The following EXOSC8 variants were observed in gnomAD, a reference collection of about 807,000 sequenced individuals.
EXOSC8 encodes the protein exosome complex component RRP43.
A neutral mutation model predicts 39.9 loss-of-function variants in EXOSC8; 37 were observed. That is an observed-to-expected ratio of 0.93 (90% CI 0.71 to 1.22). EXOSC8 has a LOEUF of 1.22. Ranked by LOEUF, EXOSC8 falls within the 50% of genes most tolerant of loss-of-function variation. The pLI is 0.00. For missense variants in EXOSC8, 313 were observed against 326.6 expected (o/e 0.96, Z 0.32); for synonymous variants, 93 against 109.5 (o/e 0.85, Z 0.94).
At position 37,002,924 on chromosome 13, in the gene EXOSC8, A is replaced by G; in HGVS notation, c.119-10A>G. Reference sequence around the variant, plus strand: ...CTTTTATGAACCTTTCATTTTGCTTATCTTTTCAGGTTCAATTAGTACCGC... The same window carrying G: ...CTTTTATGAACCTTTCATTTTGCTTGTCTTTTCAGGTTCAATTAGTACCGC... On this transcript the variant is annotated splice_polypyrimidine_tract_variant and intron_variant, in intron 3 of 10. Coordinates refer to ENST00000389704, the MANE Select transcript of EXOSC8 (RefSeq NM_181503.3). 6.3e-7 allele frequency: 1 copy of G among 1,594,316 alleles called. No individual in the cohort carries two copies.
At position 37,008,157 on chromosome 13, in the gene EXOSC8, T is replaced by C; in HGVS notation, c.588T>C (p.Thr196=). The C allele has an allele frequency of 6.4e-7, 1 of 1,557,940 alleles. No homozygotes were observed. Among genetic ancestry groups the C allele is most frequent in the Non-Finnish European group, 8.8e-7 (1 of 1,138,124 alleles). ...YLNIRTHPVA[T]SFAVFDDTLL... is the part of the protein sequence containing the mutation. The stretch of plus-strand genomic sequence containing the variant: ...ATATTAGAACTCATCCAGTTGCAAC[T>C]TCCTTTGCTGTGTTTGATGAGTAAG... Residue 196 remains threonine, a synonymous_variant, in exon 9 of 11, where the codon ACT becomes ACC. Coordinates refer to ENST00000389704, the MANE Select transcript of EXOSC8 (RefSeq NM_181503.3).
chr13:37,006,966 C>A lies in EXOSC8; in HGVS notation c.391-9C>A, dbSNP rs759767478. On this transcript the variant is annotated splice_polypyrimidine_tract_variant and intron_variant, in intron 7 of 10. Transcript: ENST00000389704. ...CTTTAATTTCCTTTTGTGTTTAATT[C>A]TATTTTAGCTTGTCTGGGTTCTATA... 1.3e-6 allele frequency: 2 copies of A among 1,570,564 alleles called. No individual in the cohort carries two copies. The highest frequency in any genetic ancestry group is 1.1e-5 in the South Asian group (1 of 90,126).
At chr13:37,002,116 A>G (rs1403838821) in intron 1 of EXOSC8, among the ~76,000 whole-genome samples, 157 bp from the exon 2 acceptor site, 1 of 152,184 alleles carries the variant, frequency 6.6e-6, no homozygotes, top group Non-Finnish European at 1.5e-5. Flanking sequence ...ATTGAATGTG[A>G]TTGCTACTAC....
intron 4 of EXOSC8, 32 bp downstream of exon 4, chr13:37,003,039 G>GT (rs1220919445): frequency 7.8e-7 from 1 of 1,274,858 alleles, no homozygotes. Flanking sequence ...TGAGATTTGA[G>GT]TTACAAAGTT....
intron 4 of EXOSC8, chr13:37,003,746 C>T (rs2059120870): frequency 6.6e-6 from 1 of 152,160 alleles, no homozygotes; most frequent in African/African-American, 2.4e-5. Context: ...TAGGAGTAGA[C>T]ACTATTTTCT....
chr13:37,008,872 A>G (rs141376795), intron 10 of EXOSC8, 37 bp downstream of exon 10: 23 of 1,333,472 alleles, frequency 1.7e-5, no homozygotes, highest in Non-Finnish European at 2.5e-5. Flanking sequence ...ACATATGTAG[A>G]TGAAAACTCA....
At chr13:37,004,456 A>C in intron 4 of EXOSC8, 60 bp from the exon 5 acceptor site, 2 of 1,208,446 alleles carry the variant, frequency 1.7e-6, no homozygotes, top group African/African-American at 3.0e-5. Context: ...TGATTGCTAA[A>C]TTGTCTTCAT....
At chr13:37,002,157 G>T in intron 1 of EXOSC8, 116 bp from the exon 2 acceptor site, 1 of 707,346 alleles carries the variant, frequency 1.4e-6, no homozygotes, top group East Asian at 2.6e-5. Context: ...ATTACTTTTA[G>T]TTAAAAAGTT....
Position 37,009,394 on chromosome 13 carries a change from T to C in EXOSC8, c.*95T>C, listed in dbSNP as rs1396218258. 4 of 762,858 alleles carry C rather than the reference T, an allele frequency of 5.2e-6. No individual in the cohort carries two copies. The highest frequency in any genetic ancestry group is 2.7e-5 in the Admixed American group (1 of 36,524). The allele number at this position is 762,858 out of a possible 1,614,324, so 47.3% of individuals were successfully genotyped here. On this transcript the variant is annotated 3_prime_UTR_variant, in exon 11 of 11. Coordinates refer to ENST00000389704, the MANE Select transcript of EXOSC8 (RefSeq NM_181503.3). ...ACTAAATAAATATCAAACTACATTCTTCTGAAAGATGTTTCTATTATTTCT... is the reference window on the plus strand; with the variant it reads ...ACTAAATAAATATCAAACTACATTCCTCTGAAAGATGTTTCTATTATTTCT...
At chr13:37,006,206 A>T (rs931649188) in intron 7 of EXOSC8, 46 bp downstream of exon 7, 1 of 1,235,942 alleles carries the variant, frequency 8.1e-7, no homozygotes. Context: ...TTCTGAAGGG[A>T]TTTTTTTTTT....
rs780048486 is a variant in EXOSC8 at position 37,008,830 on chromosome 13, A to G, written c.710A>G (p.Lys237Arg). Residue 237 changes from lysine to arginine, a missense_variant, in exon 10 of 11, where the codon AAA becomes AGA. By Grantham distance (26) the Lys-to-Arg change is conservative. Coordinates refer to ENST00000389704, the MANE Select transcript of EXOSC8 (RefSeq NM_181503.3). ...DEEGKLCCLH[K>R]PGGSGLTGAK... ...GAAGGCAAACTCTGTTGTCTTCACA[A>G]ACCAGGCATGTTCCCGCCACTTCAG... 3.8e-6 allele frequency: 6 copies of G among 1,590,774 alleles called. No homozygotes were observed. Among genetic ancestry groups the G allele is most frequent in the Admixed American group, 1.7e-5 (1 of 59,316 alleles).
At chr13:37,003,028 T>C (rs777145342) in intron 4 of EXOSC8, 21 bp downstream of exon 4, 12 of 1,371,090 alleles carry the variant, frequency 8.8e-6, no homozygotes, top group Admixed American at 5.1e-5. Context: ...ATATGTCCTA[T>C]TGAGATTTGA....
chr13:37,009,524 A>C lies in EXOSC8; in HGVS notation c.*225A>C, dbSNP rs1360955040. ...TAAACCATTTCCCTGTTTTTATTTA[A>C]AAATGATAAGGTTGTGCTTCTGTAT... On this transcript the variant is annotated 3_prime_UTR_variant, in exon 11 of 11. Transcript: ENST00000389704. 2 of 1,044,238 alleles carry C rather than the reference A, an allele frequency of 1.9e-6. No individual in the cohort carries two copies. Among genetic ancestry groups the C allele is most frequent in the Non-Finnish European group, 2.8e-6 (2 of 701,830 alleles). 64.7% of individuals were successfully genotyped at this position (1,044,238 alleles called of 1,614,324 possible).
intron 9 of EXOSC8, 146 bp from the exon 10 acceptor site, chr13:37,008,581 CCT>C: frequency 5.1e-6 from 3 of 589,096 alleles, no homozygotes; most frequent in Non-Finnish European, 6.0e-6. Context: ...ATGTTGAAAC[CCT>C]GTCTCTACTA....
chr13:37,005,383 T>C (rs1163410738), intron 5 of EXOSC8, among the ~76,000 whole-genome samples: 1 of 152,124 alleles, frequency 6.6e-6, no homozygotes, highest in Non-Finnish European at 1.5e-5. Context: ...AGGTCTAAAA[T>C]AGATTTTTTA....
In EXOSC8 at chr13:37,004,577, T is replaced by C. The variant is rs565214972; in HGVS notation, c.238+16T>C. Reference sequence around the variant, plus strand: ...GGATACGTTGGTAAGTTAAATGGTTTTGTAATTTTAATACAAATACTTTTA... The same window carrying C: ...GGATACGTTGGTAAGTTAAATGGTTCTGTAATTTTAATACAAATACTTTTA... On this transcript the variant is annotated intron_variant, in intron 5 of 10. Transcript: ENST00000389704. The C allele has an allele frequency of 1.3e-5, 21 of 1,557,598 alleles. No individual in the cohort carries two copies. The South Asian group carries it at 2.4e-4, about 18-fold the overall frequency.
intron 9 of EXOSC8, among the ~76,000 whole-genome samples, 156 bp downstream of exon 9, chr13:37,008,333 G>T (rs77746430): frequency 0.018 from 2,730 of 151,570 alleles, 36 homozygotes; most frequent in Non-Finnish European, 0.028. Context: ...ATTATTTCTA[G>T]TCACTGCACA....
At chr13:37,004,360 T>C in intron 4 of EXOSC8, 156 bp from the exon 5 acceptor site, 1 of 598,144 alleles carries the variant, frequency 1.7e-6, no homozygotes, top group Non-Finnish European at 3.0e-6. Flanking sequence ...TCTTATCTTG[T>C]AGAGCTATTG....
chr13:37,008,633 T>C (rs2059173404), intron 9 of EXOSC8, 96 bp from the exon 10 acceptor site: 3 of 769,294 alleles, frequency 3.9e-6, no homozygotes, highest in Non-Finnish European at 6.5e-6. Flanking sequence ...CGTGTGCCTG[T>C]TAATTCCAGC....
Sources: allele counts gnomAD v4.1 joint callset (sites outside exome capture counted in the v4.1 genomes callset), GRCh38; gene constraint gnomAD v4.1.1; transcripts MANE v1.5; gene names NCBI Gene and HGNC (gene_info 2026-07-23, HGNC 2026-07-21).